The following SEPTIN9 variants were observed in gnomAD, a reference collection of about 807,000 sequenced individuals.
The protein encoded by SEPTIN9 is septin 9, also known as septin-9.
Under a neutral mutation model 56.6 loss-of-function variants are expected in SEPTIN9, and 13 were observed. The ratio of observed to expected loss-of-function variants is 0.23; its 90% confidence interval spans 0.15 to 0.37. SEPTIN9 has a LOEUF of 0.37. Ranked by LOEUF, SEPTIN9 falls within the 10% of genes least tolerant of loss-of-function variation. The probability of loss-of-function intolerance (pLI) is 1.00; values close to 1 mark genes in which losing one functional copy is unlikely to be tolerated. For missense variants in SEPTIN9, 650 were observed against 823.1 expected, an observed-to-expected ratio of 0.79 and a Z score of 2.57; for synonymous variants, 332 against 334.1, an observed-to-expected ratio of 0.99 and a Z score of 0.07.
Position 77,400,326 on chromosome 17 carries a change from A to G in SEPTIN9, c.77-1733A>G, listed in dbSNP as rs976531069. 2.0e-5 allele frequency among the ~76,000 whole-genome samples: 3 copies of G among 152,186 alleles called. No individual in the cohort carries two copies. The South Asian group carries it at 6.2e-4, about 32-fold the overall frequency. The stretch of plus-strand genomic sequence containing the variant: ...ACGCCGGGCCCATATCCTCTAGGGC[A>G]GTGACGGAGCTGAGACAGGGCCTGT... On this transcript the variant is annotated intron_variant, in intron 2 of 11. Transcript: ENST00000427177. This position sits in a 1 kb window ranked among gnomAD's most constrained non-coding sequence, Gnocchi z 4.1.
chr17:77,288,220 T>C, intron 1 of SEPTIN9: 1 of 1,045,788 alleles, frequency 9.6e-7, no homozygotes, highest in Non-Finnish European at 1.2e-6. Flanking sequence ...GGTGGGTGCA[T>C]TGCTCTCTTT....
At chr17:77,315,912 G>C (rs1420161382) in intron 2 of SEPTIN9, among the ~76,000 whole-genome samples, 1 of 152,324 alleles carries the variant, frequency 6.6e-6, no homozygotes, top group South Asian at 2.1e-4. Context: ...CCACTCCAGG[G>C]TGTGGGCAGG....
chr17:77,358,399 T>A (rs1213510343), intron 2 of SEPTIN9, among the ~76,000 whole-genome samples: 1 of 152,162 alleles, frequency 6.6e-6, no homozygotes, highest in Non-Finnish European at 1.5e-5. Context: ...GGCGGGTGGA[T>A]CACTTGAAGT....
At chr17:77,444,748 G>A in intron 3 of SEPTIN9, 1 of 223,796 alleles carries the variant, frequency 4.5e-6, no homozygotes, top group East Asian at 1.2e-4. Flanking sequence ...GCTGGATACT[G>A]GCCATGAGGA....
intron 2 of SEPTIN9, among the ~76,000 whole-genome samples, chr17:77,383,806 A>C (rs982254767): frequency 6.6e-6 from 1 of 152,186 alleles, no homozygotes; most frequent in Admixed American, 6.5e-5. Context: ...GCGATGGCCC[A>C]GCGTGCCGGC....
At chr17:77,386,940 C>T (rs748716493) in intron 2 of SEPTIN9, among the ~76,000 whole-genome samples, 2 of 152,210 alleles carry the variant, frequency 1.3e-5, no homozygotes, top group Non-Finnish European at 2.9e-5. Context: ...ACTCATATCA[C>T]GAGAGAGAAG....
chr17:77,414,275 T>A (rs970276369), intron 3 of SEPTIN9, among the ~76,000 whole-genome samples: 1 of 151,746 alleles, frequency 6.6e-6, no homozygotes, highest in African/African-American at 2.4e-5. Context: ...ACGGGGTTTC[T>A]CCATGTTGAG....
At chr17:77,328,981 A>G (rs1304929023) in intron 2 of SEPTIN9, among the ~76,000 whole-genome samples, 2 of 152,196 alleles carry the variant, frequency 1.3e-5, no homozygotes, top group Non-Finnish European at 2.9e-5. Context: ...GGGAAGAGCA[A>G]CCTGGCAAAG....
chr17:77,361,470 C>T (rs923308746), intron 2 of SEPTIN9, among the ~76,000 whole-genome samples: 73 of 152,202 alleles, frequency 4.8e-4, no homozygotes, highest in African/African-American at 1.7e-3. Context: ...TGAAGCTTGG[C>T]AGGCAGGTGG....
intron 2 of SEPTIN9, chr17:77,376,055 A>G: frequency 1.0e-6 from 1 of 983,658 alleles, no homozygotes; most frequent in Middle Eastern, 5.2e-4. Flanking sequence ...AGGGTAGAGA[A>G]AAGTCACCAC....
chr17:77,434,199 C>T lies in SEPTIN9; in HGVS notation c.721+31496C>T, dbSNP rs1038675760. Among the ~76,000 whole-genome samples the T allele has an allele frequency of 1.3e-5, 2 of 152,120 alleles. No homozygotes were observed. The highest frequency in any genetic ancestry group is 6.5e-5 in the Admixed American group (1 of 15,280). On this transcript the variant is annotated intron_variant, in intron 3 of 11. Coordinates refer to ENST00000427177, the MANE Select transcript of SEPTIN9 (RefSeq NM_001113491.2). This position sits in a 1 kb window ranked among gnomAD's most constrained non-coding sequence, Gnocchi z 5.0. The stretch of plus-strand genomic sequence containing the variant: ...CAACCTTGCTTTGGCCTGCTGTCTG[C>T]GGAAAGTGCCCTAGGATACGGTGGC...
chr17:77,307,330 G>C (rs2032311010), intron 2 of SEPTIN9, 133 bp downstream of exon 2: 1 of 839,322 alleles, frequency 1.2e-6, no homozygotes. Context: ...CCATTTCCCA[G>C]GGAGACGCAG....
chr17:77,450,787 G>A lies in SEPTIN9; in HGVS notation c.722-31357G>A, dbSNP rs1327370280. 1.0e-6 allele frequency: 1 copy of A among 986,380 alleles called. No homozygotes were observed. The highest frequency in any genetic ancestry group is 1.1e-4 in the East Asian group (1 of 8,832). 61.1% of individuals were successfully genotyped at this position (986,380 alleles called of 1,614,324 possible). On this transcript the variant is annotated intron_variant, in intron 3 of 11. Transcript: ENST00000427177. The surrounding 1 kb of genome is among the most constrained non-coding windows in gnomAD (Gnocchi z 6.0). ...GAGGCTCTCGGAGGAAGAGCTCAGG[G>A]TGAGCTGCGCCCCCATCCCCTGCCC...
intron 3 of SEPTIN9, among the ~76,000 whole-genome samples, chr17:77,428,349 G>C (rs1024853585): frequency 1.3e-5 from 2 of 152,202 alleles, no homozygotes; most frequent in African/African-American, 4.8e-5. Context: ...ATCTCAACTG[G>C]GGAGACAGGC....
intron 1 of SEPTIN9, among the ~76,000 whole-genome samples, chr17:77,301,439 T>TGTGTGTG (rs1328948653): frequency 2.9e-5 from 4 of 137,630 alleles, no homozygotes; most frequent in African/African-American, 1.1e-4. Context: ...TGTGTGTGTG[T>TGTGTGTG]TTTGAGAAAG....
At chr17:77,390,346 TAAAAAAAAAA>T (rs200348069) in intron 2 of SEPTIN9, among the ~76,000 whole-genome samples, 16 of 90,346 alleles carry the variant, frequency 1.8e-4, no homozygotes, top group African/African-American at 5.1e-4. Flanking sequence ...GACTCCGTCT[TAAAAAAAAAA>T]AAAAAAAAAA....
At chr17:77,404,889 C>T (rs1268438765) in intron 3 of SEPTIN9, among the ~76,000 whole-genome samples, 2 of 152,218 alleles carry the variant, frequency 1.3e-5, no homozygotes. Flanking sequence ...ACAGTGGTTG[C>T]TGGTGGCATG....
chr17:77,387,207 C>T (rs892845110), intron 2 of SEPTIN9, among the ~76,000 whole-genome samples: 26 of 152,216 alleles, frequency 1.7e-4, no homozygotes, highest in African/African-American at 5.8e-4. Flanking sequence ...GGGGCCTCTG[C>T]GGGAGGCTCC....
chr17:77,458,197 C>T (rs550571503), intron 3 of SEPTIN9, among the ~76,000 whole-genome samples: 165 of 152,364 alleles, frequency 1.1e-3, no homozygotes, highest in Non-Finnish European at 2.1e-3. Flanking sequence ...ACCATCCCTC[C>T]TGCCCTCACT....
Sources: allele counts gnomAD v4.1 joint callset (sites outside exome capture counted in the v4.1 genomes callset), GRCh38; gene constraint gnomAD v4.1.1; non-coding constraint Gnocchi (gnomAD v3.1); transcripts MANE v1.5; gene names NCBI Gene and HGNC (gene_info 2026-07-23, HGNC 2026-07-21).